Variants in OSBPL1A observed in about 807,000 individuals in gnomAD.
OSBPL1A encodes the protein oxysterol binding protein like 1A, also known as oxysterol-binding protein-related protein 1.
Under a neutral mutation model 137.1 loss-of-function variants are expected in OSBPL1A, and 80 were observed. That is an observed-to-expected ratio of 0.58 (90% confidence interval 0.49 to 0.70). The LOEUF is 0.70. OSBPL1A is among the 30% of genes least tolerant of loss of function. The probability of loss-of-function intolerance (pLI) is 0.00; values close to 1 mark genes in which losing one functional copy is unlikely to be tolerated. For missense variants in OSBPL1A, 970 were observed against 1,129.4 expected, an observed-to-expected ratio of 0.86 and a Z score of 2.02; for synonymous variants, 365 against 389.7, an observed-to-expected ratio of 0.94 and a Z score of 0.75.
intron 15 of OSBPL1A, among the ~76,000 whole-genome samples, chr18:24,266,418 G>C (rs970864699): frequency 1.3e-5 from 2 of 152,108 alleles, no homozygotes; most frequent in Non-Finnish European, 2.9e-5. Context: ...ATGTTGAGCA[G>C]ATGGAAAAAT....
chr18:24,385,184 G>A (rs1906878883), intron 1 of OSBPL1A, among the ~76,000 whole-genome samples: 2 of 151,984 alleles, frequency 1.3e-5, no homozygotes, highest in African/African-American at 2.4e-5. Context: ...TCTATCTCCT[G>A]ACCTCATGAT....
At chr18:24,346,793 G>A (rs572343404) in intron 4 of OSBPL1A, among the ~76,000 whole-genome samples, 2 of 152,150 alleles carry the variant, frequency 1.3e-5, no homozygotes, top group Non-Finnish European at 2.9e-5. Flanking sequence ...CCAGGCTGGA[G>A]TGTAGTGGCA....
At chr18:24,397,128 A>G (rs1907802908) in intron 1 of OSBPL1A, among the ~76,000 whole-genome samples, 1 of 152,194 alleles carries the variant, frequency 6.6e-6, no homozygotes, top group African/African-American at 2.4e-5. Flanking sequence ...GGATAAGTGA[A>G]TTGTTAAAGT....
At chr18:24,299,284 C>T (rs2146097375) in intron 14 of OSBPL1A, among the ~76,000 whole-genome samples, 1 of 152,094 alleles carries the variant, frequency 6.6e-6, no homozygotes, top group Admixed American at 6.5e-5. Flanking sequence ...TAGTCGATAC[C>T]TAGATACTTT....
intron 5 of OSBPL1A, among the ~76,000 whole-genome samples, chr18:24,339,134 G>C (rs941261472): frequency 1.3e-5 from 2 of 152,068 alleles, no homozygotes; most frequent in Non-Finnish European, 2.9e-5. Flanking sequence ...ACTACGCCCA[G>C]CTAATTTTTG....
chr18:24,337,065 A>T (rs886396172), intron 5 of OSBPL1A, among the ~76,000 whole-genome samples: 1 of 152,222 alleles, frequency 6.6e-6, no homozygotes, highest in Non-Finnish European at 1.5e-5. Flanking sequence ...TCCTAATAGG[A>T]TGCACTGGCA....
intron 11 of OSBPL1A, among the ~76,000 whole-genome samples, chr18:24,315,674 T>C (rs1448374467): frequency 7.7e-6 from 1 of 129,552 alleles, no homozygotes; most frequent in East Asian, 2.0e-4. Context: ...TAATATATAA[T>C]ATATAATAAA....
At chr18:24,315,666 ATATAT>A (rs1286712436) in intron 11 of OSBPL1A, among the ~76,000 whole-genome samples, 3 of 127,440 alleles carry the variant, frequency 2.4e-5, no homozygotes, top group Non-Finnish European at 4.7e-5. Context: ...TTATAATATA[ATATAT>A]AATATATAAT....
intron 13 of OSBPL1A, chr18:24,311,380 A>G: frequency 1.4e-6 from 1 of 713,742 alleles, no homozygotes; most frequent in Non-Finnish European, 1.7e-6. Flanking sequence ...CCATTCTTTT[A>G]GACACAAGAT....
intron 18 of OSBPL1A, among the ~76,000 whole-genome samples, chr18:24,182,303 ACCAG>A (rs2086627933): frequency 6.6e-6 from 1 of 152,252 alleles, no homozygotes; most frequent in Non-Finnish European, 1.5e-5. Flanking sequence ...ACCATGTGCC[ACCAG>A]CAAGCAATAT....
intron 4 of OSBPL1A, among the ~76,000 whole-genome samples, chr18:24,346,006 G>A (rs534238946): frequency 6.6e-6 from 1 of 152,256 alleles, no homozygotes; most frequent in South Asian, 2.1e-4. Context: ...CAGCACTTTG[G>A]CCAATTTGAC....
At chr18:24,334,351 T>A in intron 5 of OSBPL1A, 21 bp from the exon 6 acceptor site, 3 of 1,571,198 alleles carry the variant, frequency 1.9e-6, no homozygotes, top group Non-Finnish European at 2.6e-6. Context: ...AAAGTACTTA[T>A]TATCCACTGC....
chr18:24,385,144 C>T (rs971565335), intron 1 of OSBPL1A, among the ~76,000 whole-genome samples: 1 of 151,910 alleles, frequency 6.6e-6, no homozygotes, highest in East Asian at 2.0e-4. Flanking sequence ...TTAGTAGAGA[C>T]AGGGTTTCAC....
At chr18:24,190,259 C>A (rs1451306582) in intron 18 of OSBPL1A, among the ~76,000 whole-genome samples, 1 of 139,668 alleles carries the variant, frequency 7.2e-6, no homozygotes, top group Non-Finnish European at 1.5e-5. Context: ...TTCCTAGAAA[C>A]TGGCAAGTCT....
intron 14 of OSBPL1A, among the ~76,000 whole-genome samples, chr18:24,285,036 T>G (rs528713467): frequency 1.8e-4 from 27 of 152,226 alleles, no homozygotes; most frequent in Admixed American, 3.9e-4. Context: ...CTTCAGCCTG[T>G]GCGACAGAGA....
At chr18:24,250,178 G>T (rs371557877) in intron 15 of OSBPL1A, among the ~76,000 whole-genome samples, 32,012 of 76,258 alleles carry the variant, frequency 0.42, 5,154 homozygotes, top group Middle Eastern at 0.56. Context: ...TTGTTTGTTT[G>T]TTTGTTTGTT....
intron 15 of OSBPL1A, among the ~76,000 whole-genome samples, chr18:24,267,178 T>C (rs1298135129): frequency 6.6e-6 from 1 of 151,110 alleles, no homozygotes; most frequent in Non-Finnish European, 1.5e-5. Context: ...AAGAAAATTA[T>C]GAATACCTTT....
rs76305843 is a variant in OSBPL1A at position 24,242,120 on chromosome 18, C to T, written c.1282-2738G>A. On this transcript the variant is annotated intron_variant, in intron 15 of 27. Coordinates refer to ENST00000319481, the MANE Select transcript of OSBPL1A (RefSeq NM_080597.4). The stretch of plus-strand genomic sequence containing the variant: ...GGAGGGGAACATCACACACTGGGGC[C>T]TGTTGGGGGGTGGGGGGCAAGGAGA... 9.7e-5 allele frequency among the ~76,000 whole-genome samples: 13 copies of T among 133,662 alleles called. No homozygotes were observed. The East Asian group carries it at 2.4e-3, about 24-fold the overall frequency. 87.7% of individuals were successfully genotyped at this position (133,662 alleles called of 152,430 possible).
intron 13 of OSBPL1A, among the ~76,000 whole-genome samples, chr18:24,305,728 T>C (rs889067043): frequency 2.0e-5 from 3 of 152,162 alleles, no homozygotes; most frequent in African/African-American, 7.2e-5. Flanking sequence ...ATAATCCCCA[T>C]GTTTTGTGGG....
Sources: allele counts gnomAD v4.1 joint callset (sites outside exome capture counted in the v4.1 genomes callset), GRCh38; gene constraint gnomAD v4.1.1; transcripts MANE v1.5; gene names NCBI Gene and HGNC (gene_info 2026-07-23, HGNC 2026-07-21).